The following PCOLCE variants were observed in gnomAD, a reference collection of about 807,000 sequenced individuals.
The protein encoded by PCOLCE is procollagen C-endopeptidase enhancer 1.
A neutral mutation model predicts 47.2 loss-of-function variants in PCOLCE; 33 were observed. That is an observed-to-expected ratio of 0.70 (90% confidence interval 0.53 to 0.93). The LOEUF is 0.93. PCOLCE is among the 40% of genes least tolerant of loss of function. The probability of loss-of-function intolerance (pLI) is 0.00; values close to 1 mark genes in which losing one functional copy is unlikely to be tolerated. For synonymous variants in PCOLCE, 254 were observed against 252.5 expected (o/e 1.01, Z -0.06); for missense variants, 584 against 585.3 (o/e 1.00, Z 0.02).
chr7:100,605,160 C>T lies in PCOLCE; in HGVS notation c.533C>T (p.Ser178Phe), dbSNP rs1366583115. The change falls in exon 4 of 9, where the codon TCC becomes TTC. Residue 178 changes from serine (S) to phenylalanine (F), a missense_variant. Coordinates refer to ENST00000223061, the MANE Select transcript of PCOLCE (RefSeq NM_002593.4). The surrounding 1 kb of genome is among the most constrained non-coding windows in gnomAD (Gnocchi z 6.1). The stretch of plus-strand genomic sequence containing the variant: ...CTGACCACGCCCAACTGGCCCGAGT[C>T]CGATTACCCCCCGGGCATCAGCTGT... ...GTLTTPNWPE[S>F]DYPPGISCSW... 6.2e-7 allele frequency: 1 copy of T among 1,612,984 alleles called. No individual in the cohort carries two copies. The highest frequency in any genetic ancestry group is 1.7e-5 in the Admixed American group (1 of 60,000).
Position 100,605,183 on chromosome 7 carries a change from T to G in PCOLCE, c.556T>G (p.Cys186Gly). 1 of 1,612,928 alleles carries G rather than the reference T, an allele frequency of 6.2e-7. No homozygotes were observed. Among genetic ancestry groups the G allele is most frequent in the Non-Finnish European group, 8.5e-7 (1 of 1,179,586 alleles). ...PESDYPPGISCSWHIIAPPDQ... is the reference protein window; with the variant it reads ...PESDYPPGISGSWHIIAPPDQ... ...GTCCGATTACCCCCCGGGCATCAGC[T>G]GTTCCTGGCACATCATCGCGCCCCC... Residue 186 changes from cysteine to glycine, a missense_variant, in exon 4 of 9, where the codon TGT becomes GGT. Transcript: ENST00000223061. This position sits in a 1 kb window ranked among gnomAD's most constrained non-coding sequence, Gnocchi z 6.1.
At chr7:100,603,378 T>TCCCCCCTCC in intron 1 of PCOLCE, 52 bp from the exon 2 acceptor site, 1 of 883,850 alleles carries the variant, frequency 1.1e-6, no homozygotes, top group Non-Finnish European at 1.8e-6. Flanking sequence ...TTGCCAGTGC[T>TCCCCCCTCC]CCCCCGTCCC....
At chr7:100,607,587 G>T in intron 7 of PCOLCE, 50 bp from the exon 8 acceptor site, 1 of 1,605,410 alleles carries the variant, frequency 6.2e-7, no homozygotes, top group Non-Finnish European at 8.5e-7. Context: ...TTCCAGTCCT[G>T]CCATCTGGAA....
In PCOLCE at chr7:100,605,507, T is replaced by C. The variant is rs1802697699; in HGVS notation, c.589-169T>C. ...CACGACGACCGACACCCCTGCAGGG[T>C]CCCATGGGTGTGTGTGGTCCTCCGT... On this transcript the variant is annotated intron_variant, in intron 4 of 8. Transcript: ENST00000223061. The surrounding 1 kb of genome is among the most constrained non-coding windows in gnomAD (Gnocchi z 6.1). The C allele has an allele frequency of 4.9e-6, 4 of 810,276 alleles. No homozygotes were observed. The highest frequency in any genetic ancestry group is 7.7e-6 in the Non-Finnish European group (4 of 522,590). The allele number at this position is 810,276 out of a possible 1,614,324, so 50.2% of individuals were successfully genotyped here. A position where few individuals can be genotyped will look rare whatever the true frequency, so the allele number is the denominator to read the frequency against.
Position 100,605,771 on chromosome 7 carries a change from C to T in PCOLCE, c.684C>T (p.Asp228=), listed in dbSNP as rs1169276927. The part of the protein sequence containing the change: ...VSVFNGAVSD[D]SRRLGKFCGD... Reference sequence around the variant, plus strand: ...TGTTCAACGGAGCCGTGAGCGACGACTCCCGGAGGCTGGGGAAGTTCTGCG... The same window carrying T: ...TGTTCAACGGAGCCGTGAGCGACGATTCCCGGAGGCTGGGGAAGTTCTGCG... The change falls in exon 5 of 9, where the codon GAC becomes GAT. Residue 228 remains aspartate, a synonymous_variant. Coordinates refer to ENST00000223061, the MANE Select transcript of PCOLCE (RefSeq NM_002593.4). The surrounding 1 kb of genome is among the most constrained non-coding windows in gnomAD (Gnocchi z 6.1). The T allele has an allele frequency of 6.4e-7, 1 of 1,556,042 alleles. No homozygotes were observed. Among genetic ancestry groups the T allele is most frequent in the Non-Finnish European group, 8.7e-7 (1 of 1,149,598 alleles).
At chr7:100,606,210 T>G (rs1802713582) in intron 5 of PCOLCE, 2 of 569,350 alleles carry the variant, frequency 3.5e-6, no homozygotes, top group Non-Finnish European at 6.3e-6. Flanking sequence ...GTGCCTGTAG[T>G]CCCAGCAACT....
intron 6 of PCOLCE, 57 bp from the exon 7 acceptor site, chr7:100,607,395 G>A (rs1802735719): frequency 1.5e-6 from 2 of 1,366,730 alleles, no homozygotes; most frequent in Non-Finnish European, 2.1e-6. Flanking sequence ...GCTGTTATGG[G>A]GACAGTGCTC....
In PCOLCE at chr7:100,602,501, T is replaced by A; in HGVS notation, c.45T>A (p.Thr15=). The A allele has an allele frequency of 6.2e-7, 1 of 1,613,302 alleles. No individual in the cohort carries two copies. Among genetic ancestry groups the A allele is most frequent in the Non-Finnish European group, 8.5e-7 (1 of 1,179,928 alleles). Residue 15 remains threonine, a synonymous_variant, in exon 1 of 9, where the codon ACT becomes ACA. Transcript: ENST00000223061. ...CCTCCCTCCTGGGGCCCCTCCTCACTGCCTGCGCCCTGCTGCCTTTTGCCC... is the reference window on the plus strand; with the variant it reads ...CCTCCCTCCTGGGGCCCCTCCTCACAGCCTGCGCCCTGCTGCCTTTTGCCC... ...ATASLLGPLL[T]ACALLPFAQG... is the part of the protein sequence containing the mutation.
In PCOLCE at chr7:100,604,827, G is replaced by A. The variant is rs1562826802; in HGVS notation, c.464-264G>A. The A allele has an allele frequency of 2.1e-6, 1 of 487,210 alleles. No homozygotes were observed. The highest frequency in any genetic ancestry group is 3.5e-5 in the East Asian group (1 of 28,896). 30.2% of individuals were successfully genotyped at this position (487,210 alleles called of 1,614,324 possible). Reference sequence around the variant, plus strand: ...CGCGGTGCGGCCGCGGGTCGGGGAGGGGCCAGAAGGGGGCGTCCAGCCAGT... The same window carrying A: ...CGCGGTGCGGCCGCGGGTCGGGGAGAGGCCAGAAGGGGGCGTCCAGCCAGT... On this transcript the variant is annotated intron_variant, in intron 3 of 8. Transcript: ENST00000223061. This position sits in a 1 kb window ranked among gnomAD's most constrained non-coding sequence, Gnocchi z 6.4.
chr7:100,605,134 C>A lies in PCOLCE; in HGVS notation c.507C>A (p.Thr169=), dbSNP rs943390568. 8 of 1,612,908 alleles carry A rather than the reference C, an allele frequency of 5.0e-6. No homozygotes were observed. The African/African-American group carries it at 1.1e-4, about 22-fold the overall frequency. ...GGCGGCTGGAGAAGGCCCAGGGAAC[C>A]CTGACCACGCCCAACTGGCCCGAGT... ...CGGRLEKAQG[T]LTTPNWPESD... The change falls in exon 4 of 9, where the codon ACC becomes ACA. Residue 169 remains threonine (T), a synonymous_variant. Transcript: ENST00000223061. The surrounding 1 kb of genome is among the most constrained non-coding windows in gnomAD (Gnocchi z 6.1).
chr7:100,606,567 A>G lies in PCOLCE; in HGVS notation c.877A>G (p.Lys293Glu), dbSNP rs768850973. The change falls in exon 6 of 9, where the codon AAA becomes GAA. Residue 293 changes from lysine (K) to glutamate (E), a missense_variant. Lys to Glu is a moderately conservative substitution (Grantham distance 56). Coordinates refer to ENST00000223061, the MANE Select transcript of PCOLCE (RefSeq NM_002593.4). ...CGGCCCCAAACGGGGAACTGAGCCT[A>G]AAGTCAAGCTGCCCCCCAAGTCCCA... ...GPGPKRGTEP[K>E]VKLPPKSQPP... 5.4e-5 allele frequency: 87 copies of G among 1,613,996 alleles called. No individual in the cohort carries two copies. Among genetic ancestry groups the G allele is most frequent in the Non-Finnish European group, 7.1e-5 (84 of 1,179,930 alleles).
chr7:100,605,295 G>A lies in PCOLCE; in HGVS notation c.588+80G>A. ...TTGCAGCCAGCAGAGATTTATTGAA[G>A]ATCTGCTGTGTCCCGAGCACTGCGC... is the stretch of plus-strand genomic sequence containing the variant. On this transcript the variant is annotated intron_variant, in intron 4 of 8. Transcript: ENST00000223061. The surrounding 1 kb of genome is among the most constrained non-coding windows in gnomAD (Gnocchi z 6.1). 1 of 1,421,582 alleles carries A rather than the reference G, an allele frequency of 7.0e-7. No individual in the cohort carries two copies. The highest frequency in any genetic ancestry group is 1.4e-5 in the African/African-American group (1 of 71,204). The allele number at this position is 1,421,582 out of a possible 1,614,324, so 88.1% of individuals were successfully genotyped here. A position where few individuals can be genotyped will look rare whatever the true frequency, so the allele number is the denominator to read the frequency against.
chr7:100,605,540 T>C lies in PCOLCE; in HGVS notation c.589-136T>C. Reference sequence around the variant, plus strand: ...GTGTGTGTGGTCCTCCGTGCTGTGGTGTGAACGCCTTCAGGAGGGGGGCCC... The same window carrying C: ...GTGTGTGTGGTCCTCCGTGCTGTGGCGTGAACGCCTTCAGGAGGGGGGCCC... On this transcript the variant is annotated intron_variant, in intron 4 of 8. Transcript: ENST00000223061. The surrounding 1 kb of genome is among the most constrained non-coding windows in gnomAD (Gnocchi z 6.1). The C allele has an allele frequency of 9.5e-7, 1 of 1,047,432 alleles. No individual in the cohort carries two copies. The highest frequency in any genetic ancestry group is 1.4e-6 in the Non-Finnish European group (1 of 721,534). 64.9% of individuals were successfully genotyped at this position (1,047,432 alleles called of 1,614,324 possible).
At chr7:100,602,975 G>GGTGGT in intron 1 of PCOLCE, 1 of 246,550 alleles carries the variant, frequency 4.1e-6, no homozygotes, top group South Asian at 6.7e-5. Flanking sequence ...TGTGGAGCTC[G>GGTGGT]CGGAGCCTGG....
In PCOLCE at chr7:100,606,424, C is replaced by T. The variant is rs763582889; in HGVS notation, c.734C>T (p.Ser245Phe). The change falls in exon 6 of 9, where the codon TCC becomes TTC. Residue 245 changes from serine to phenylalanine, a missense_variant. Physicochemically the swap from Ser to Phe is radical, Grantham distance 155. Transcript: ENST00000223061. ...FCGDAVPGSISSEGNELLVQF... is the reference protein window; with the variant it reads ...FCGDAVPGSIFSEGNELLVQF... Reference sequence around the variant, plus strand: ...TCGGTGGCCACCTGCAGCTCCATCTCCTCCGAAGGGAATGAACTCCTCGTC... The same window carrying T: ...TCGGTGGCCACCTGCAGCTCCATCTTCTCCGAAGGGAATGAACTCCTCGTC... The T allele has an allele frequency of 1.2e-6, 2 of 1,613,528 alleles. No individual in the cohort carries two copies. The highest frequency in any genetic ancestry group is 2.7e-5 in the African/African-American group (2 of 74,932).
intron 6 of PCOLCE, 48 bp from the exon 7 acceptor site, chr7:100,607,404 T>A: frequency 6.9e-7 from 1 of 1,451,974 alleles, no homozygotes; most frequent in Non-Finnish European, 9.7e-7. Flanking sequence ...GGGACAGTGC[T>A]CCCTCCTACC....
In PCOLCE at chr7:100,604,932, C is replaced by T; in HGVS notation, c.464-159C>T. On this transcript the variant is annotated intron_variant, in intron 3 of 8. Transcript: ENST00000223061. This position sits in a 1 kb window ranked among gnomAD's most constrained non-coding sequence, Gnocchi z 6.4. ...GAGCCGCGCTCCTCCCGGCCGCTCT[C>T]TGTTAACCTGCCCCCATCTTACCTC... 1 of 578,532 alleles carries T rather than the reference C, an allele frequency of 1.7e-6. No homozygotes were observed. Among genetic ancestry groups the T allele is most frequent in the Admixed American group, 3.0e-5 (1 of 33,684 alleles). The allele number at this position is 578,532 out of a possible 1,614,324, so 35.8% of individuals were successfully genotyped here. A position where few individuals can be genotyped will look rare whatever the true frequency, so the allele number is the denominator to read the frequency against.
At chr7:100,602,957 G>C (rs1802638639) in intron 1 of PCOLCE, 1 of 283,794 alleles carries the variant, frequency 3.5e-6, no homozygotes, top group Non-Finnish European at 6.6e-6. Context: ...ACAGGGGCAG[G>C]GCTAAGGTGT....
At position 100,608,047 on chromosome 7, in the gene PCOLCE, C is replaced by T. The variant is rs1051237646; in HGVS notation, c.1294C>T (p.Leu432=). 2 of 1,613,980 alleles carry T rather than the reference C, an allele frequency of 1.2e-6. No individual in the cohort carries two copies. The highest frequency in any genetic ancestry group is 1.7e-6 in the Non-Finnish European group (2 of 1,180,036). ...CAACCAGGACCAGATCCTCACCAACCTAAGCAAGAGGAAGTGCCCCTCTCA... is the reference window on the plus strand; with the variant it reads ...CAACCAGGACCAGATCCTCACCAACTTAAGCAAGAGGAAGTGCCCCTCTCA... ...RPNQDQILTN[L]SKRKCPSQPV... The change falls in exon 9 of 9, where the codon CTA becomes TTA. Residue 432 remains leucine (L), a synonymous_variant. Coordinates refer to ENST00000223061, the MANE Select transcript of PCOLCE (RefSeq NM_002593.4).
Sources: gnomAD v4.1 joint callset for allele counts on GRCh38, gnomAD v4.1.1 for gene constraint, Gnocchi (gnomAD v3.1) non-coding constraint, MANE v1.5 for transcripts, NCBI Gene and HGNC (gene_info 2026-07-23, HGNC 2026-07-21) for gene names.